LRP1B: variants seen among roughly 807,000 people sequenced by gnomAD.
LRP1B encodes LDL receptor related protein 1B.
Under a neutral mutation model 556.6 loss-of-function variants are expected in LRP1B, and 217 were observed. The ratio of observed to expected loss-of-function variants is 0.39; its 90% CI spans 0.35 to 0.44. LRP1B has a LOEUF of 0.44. LRP1B is among the 20% of genes least tolerant of loss of function. The probability of loss-of-function intolerance (pLI) is 1.00; values close to 1 mark genes in which losing one functional copy is unlikely to be tolerated. For synonymous variants in LRP1B, 2,047 were observed against 1,865.8 expected (o/e 1.10, Z -2.50); for missense variants, 5,053 against 5,620.8 (o/e 0.90, Z 3.23).
intron 41 of LRP1B, among the ~76,000 whole-genome samples, chr2:140,639,064 C>G (rs755121152): frequency 6.6e-6 from 1 of 151,964 alleles, no homozygotes; most frequent in Non-Finnish European, 1.5e-5. Context: ...GTCATAAACT[C>G]TTTGAAGCGA....
chr2:142,077,404 C>G (rs1319798535), intron 1 of LRP1B, among the ~76,000 whole-genome samples: 1 of 152,092 alleles, frequency 6.6e-6, no homozygotes, highest in African/African-American at 2.4e-5. Flanking sequence ...TCTAGCACAA[C>G]TTGGAGGCAG....
intron 6 of LRP1B, among the ~76,000 whole-genome samples, chr2:141,214,283 C>T (rs1475325752): frequency 6.6e-6 from 1 of 152,154 alleles, no homozygotes; most frequent in African/African-American, 2.4e-5. Flanking sequence ...CATAATTTAT[C>T]TGTGGTGAAG....
chr2:142,011,109 T>A (rs1380704438), intron 1 of LRP1B, among the ~76,000 whole-genome samples: 1 of 152,224 alleles, frequency 6.6e-6, no homozygotes, highest in East Asian at 1.9e-4. Flanking sequence ...TCTGGCTTAC[T>A]TAAGTGTTGA....
chr2:141,730,017 T>C (rs995361920), intron 2 of LRP1B, among the ~76,000 whole-genome samples: 4 of 152,120 alleles, frequency 2.6e-5, no homozygotes, highest in Admixed American at 2.6e-4. Context: ...TGGAAGTCTG[T>C]TGAAGCCCCC....
At chr2:140,699,793 T>C (rs1686564281) in intron 41 of LRP1B, among the ~76,000 whole-genome samples, 1 of 147,410 alleles carries the variant, frequency 6.8e-6, no homozygotes, top group South Asian at 2.1e-4. Context: ...ATATATAATA[T>C]ATATTATATA....
chr2:142,040,447 C>CT (rs568628556), intron 1 of LRP1B, among the ~76,000 whole-genome samples: 2 of 151,280 alleles, frequency 1.3e-5, no homozygotes, highest in Non-Finnish European at 3.0e-5. Context: ...TCCCTTATCT[C>CT]TTTTTTAGTT....
At chr2:140,970,714 CTTTTTTTTTTTTTTTTTTTTTTTTTT>C (rs571691521) in intron 18 of LRP1B, among the ~76,000 whole-genome samples, 4 of 12,258 alleles carry the variant, frequency 3.3e-4, no homozygotes, top group South Asian at 5.2e-3. Flanking sequence ...ATTTTTTAAC[CTTTTTTTTTTTTTTTTTTTTTTTTTT>C]TTTTTTTTTT....
chr2:141,411,789 T>C (rs757994034), intron 3 of LRP1B, among the ~76,000 whole-genome samples: 2 of 152,038 alleles, frequency 1.3e-5, no homozygotes, highest in Admixed American at 1.3e-4. Flanking sequence ...CTGATAAAAA[T>C]ATTATTCTAA....
At chr2:140,896,545 A>C (rs1192192114) in intron 23 of LRP1B, among the ~76,000 whole-genome samples, 2 of 152,214 alleles carry the variant, frequency 1.3e-5, no homozygotes, top group Non-Finnish European at 2.9e-5. Context: ...GCAGTGGCAT[A>C]GTCATGGCTC....
chr2:141,787,387 C>T (rs917863393), intron 2 of LRP1B, among the ~76,000 whole-genome samples: 1 of 151,834 alleles, frequency 6.6e-6, no homozygotes, highest in South Asian at 2.1e-4. Context: ...TACAGCTACA[C>T]AATAGAATAC....
intron 3 of LRP1B, among the ~76,000 whole-genome samples, chr2:141,277,741 T>G (rs897748376): frequency 1.2e-4 from 18 of 151,150 alleles, no homozygotes; most frequent in Non-Finnish European, 2.4e-4. Flanking sequence ...GGAAAGAATG[T>G]GAGGTGAATG....
At chr2:141,636,959 G>T (rs1689127028) in intron 2 of LRP1B, among the ~76,000 whole-genome samples, 1 of 152,082 alleles carries the variant, frequency 6.6e-6, no homozygotes, top group African/African-American at 2.4e-5. Context: ...ATTGAAAATG[G>T]TTAGTCCTGG....
chr2:140,269,350 C>T (rs114221703), intron 86 of LRP1B: 22 of 470,820 alleles, frequency 4.7e-5, no homozygotes, highest in African/African-American at 4.2e-4. Context: ...TCTTTCTGGT[C>T]ACAGCGCTGA....
chr2:142,065,861 T>A (rs1009288588), intron 1 of LRP1B, among the ~76,000 whole-genome samples: 3 of 151,338 alleles, frequency 2.0e-5, no homozygotes, highest in African/African-American at 4.8e-5. Flanking sequence ...TTGAAATCAT[T>A]GAAAAGTCTC....
intron 3 of LRP1B, among the ~76,000 whole-genome samples, chr2:141,356,931 C>T (rs1463918823): frequency 6.6e-6 from 1 of 152,134 alleles, no homozygotes; most frequent in East Asian, 1.9e-4. Flanking sequence ...ATTTGTTTCA[C>T]CAGCCTCCCT....
At chr2:140,434,253 A>G (rs1193245356) in intron 66 of LRP1B, among the ~76,000 whole-genome samples, 1 of 151,904 alleles carries the variant, frequency 6.6e-6, no homozygotes, top group Non-Finnish European at 1.5e-5. Context: ...TATTTTTAGT[A>G]CAGACGGGGT....
chr2:141,803,761 C>A (rs1424601117), intron 2 of LRP1B, among the ~76,000 whole-genome samples: 1 of 152,034 alleles, frequency 6.6e-6, no homozygotes, highest in East Asian at 1.9e-4. Flanking sequence ...TTGCTAATAA[C>A]CTCCCACCTG....
intron 1 of LRP1B, among the ~76,000 whole-genome samples, chr2:142,112,486 TA>T (rs1421175121): frequency 1.3e-5 from 2 of 152,022 alleles, no homozygotes; most frequent in African/African-American, 4.8e-5. Flanking sequence ...TAAAATGAGC[TA>T]TCAAATTCGG....
At chr2:141,122,154 G>A (rs182652357) in intron 7 of LRP1B, among the ~76,000 whole-genome samples, 7 of 152,218 alleles carry the variant, frequency 4.6e-5, no homozygotes, top group African/African-American at 1.2e-4. Context: ...AACCCTAGAC[G>A]AAAACCTAGG....
Sources: gnomAD v4.1 joint callset for allele counts (sites outside exome capture counted in the v4.1 genomes callset) on GRCh38, gnomAD v4.1.1 for gene constraint, MANE v1.5 for transcripts, NCBI Gene and HGNC (gene_info 2026-07-23, HGNC 2026-07-21) for gene names.